The following LIMCH1 variants were observed in gnomAD, a reference collection of about 807,000 sequenced individuals.
LIMCH1 encodes LIM and calponin homology domains 1.
Under a neutral mutation model 176.5 loss-of-function variants are expected in LIMCH1, and 113 were observed. The observed-to-expected ratio is 0.64, with a 90% CI of 0.55 to 0.75. LIMCH1 has a LOEUF of 0.75. Ranked by LOEUF, LIMCH1 falls within the 30% of genes least tolerant of loss-of-function variation. The pLI is 0.00. For missense variants in LIMCH1, 1,674 were observed against 1,814.9 expected, an observed-to-expected ratio of 0.92 and a Z score of 1.41; for synonymous variants, 619 against 645.9, an observed-to-expected ratio of 0.96 and a Z score of 0.63.
At chr4:41,531,507 CACACACACAT>C (rs33970071) in intron 3 of LIMCH1, among the ~76,000 whole-genome samples, 17,442 of 146,754 alleles carry the variant, frequency 0.12, 1,599 homozygotes, top group South Asian at 0.3. Flanking sequence ...CACACACACA[CACACACACAT>C]ACACACCTTA....
chr4:41,429,224 T>C (rs1253288272), intron 1 of LIMCH1, among the ~76,000 whole-genome samples: 2 of 152,226 alleles, frequency 1.3e-5, no homozygotes, highest in African/African-American at 4.8e-5. Flanking sequence ...GTTTGCTTTA[T>C]TCTCATTTTT....
upstream of LIMCH1, among the ~76,000 whole-genome samples, chr4:41,535,184 A>G (rs1028273737): frequency 1.4e-5 from 2 of 144,858 alleles, no homozygotes; most frequent in African/African-American, 5.2e-5. Context: ...AAAAAAAAAA[A>G]GAAAAGAAAA....
At chr4:41,680,133 A>C (rs1333351877) in intron 24 of LIMCH1, 35 bp downstream of exon 24, 1 of 1,410,980 alleles carries the variant, frequency 7.1e-7, no homozygotes, top group East Asian at 2.4e-5. Context: ...TGACCTTGTC[A>C]TCCCAATTCC....
chr4:41,394,878 C>CT (rs2057633078), intron 1 of LIMCH1, among the ~76,000 whole-genome samples: 1 of 152,298 alleles, frequency 6.6e-6, no homozygotes, highest in South Asian at 2.1e-4. Context: ...CAAAAAGAAA[C>CT]TAAGGACCTA....
chr4:41,584,961 A>G (rs929087089), intron 1 of LIMCH1, among the ~76,000 whole-genome samples: 1 of 152,102 alleles, frequency 6.6e-6, no homozygotes, highest in Admixed American at 6.5e-5. Context: ...ATAGATGACC[A>G]TCTTCTTTCT....
In LIMCH1 at chr4:41,515,561, G is replaced by A. The variant is rs149096483; in HGVS notation, c.168-8848G>A. Among the ~76,000 whole-genome samples, 18 of 152,326 alleles carry A rather than the reference G, an allele frequency of 1.2e-4. No individual in the cohort carries two copies. In the East Asian group the frequency reaches 1.5e-3, roughly 13 times the overall value. On this transcript the variant is annotated intron_variant, in intron 2 of 26. Coordinates refer to the LIMCH1 transcript ENST00000313860. ...ATTGATGAAGTGTATATTGTACACC[G>A]GGCCTGTGCCAAGTGCATTACATGC...
rs1385723105 is a variant in LIMCH1 at position 41,661,477 on chromosome 4, T to C, written c.3094T>C (p.Ser1032Pro). 4 of 1,610,840 alleles carry C rather than the reference T, an allele frequency of 2.5e-6. No individual in the cohort carries two copies. The highest frequency in any genetic ancestry group is 1.6e-4 in the Middle Eastern group (1 of 6,062). ...SQEDKNDGGK[S>P]RKGNIELASS... ...AGAGGACAAGAATGATGGTGGAAAATCAAGAAAAGGGAATATAGAACTTGC... is the reference window on the plus strand; with the variant it reads ...AGAGGACAAGAATGATGGTGGAAAACCAAGAAAAGGGAATATAGAACTTGC... The change falls in exon 19 of 32, where the codon TCA becomes CCA. Residue 1032 changes from serine to proline, a missense_variant. Around this residue, in one of 3 missense-constraint regions of LIMCH1, gnomAD observed 1,015 missense variants for 1,102.5 expected, o/e 0.92. Transcript: ENST00000503057.
chr4:41,647,346 T>C (rs1350002724), intron 17 of LIMCH1, among the ~76,000 whole-genome samples: 1 of 152,216 alleles, frequency 6.6e-6, no homozygotes, highest in East Asian at 1.9e-4. Flanking sequence ...CAGCATCCAT[T>C]TGACATTGTA....
chr4:41,498,878 T>TC (rs2072703622), intron 2 of LIMCH1, among the ~76,000 whole-genome samples: 1 of 151,560 alleles, frequency 6.6e-6, no homozygotes, highest in African/African-American at 2.4e-5. Context: ...CCTTGGCCTT[T>TC]TTTTTTTTTT....
chr4:41,409,387 C>CG (rs1468550800), intron 1 of LIMCH1, among the ~76,000 whole-genome samples: 1 of 151,856 alleles, frequency 6.6e-6, no homozygotes, highest in Non-Finnish European at 1.5e-5. Flanking sequence ...AGATTAATGC[C>CG]GCCAGTAGTA....
Position 41,682,347 on chromosome 4 carries a change from G to T in LIMCH1, c.3732G>T (p.Leu1244=), listed in dbSNP as rs1196018171. ...EGSGTMNKID[L]GNCQDEKQDR... ...TTTCTCCTTAGAATAAGATAGACCT[G>T]GGAAACTGTCAAGATGAAAAACAAG... The change falls in exon 26 of 32, where the codon CTG becomes CTT. Residue 1244 remains leucine, a synonymous_variant. Coordinates refer to ENST00000503057, the MANE Select transcript of LIMCH1 (RefSeq NM_001330672.2). The T allele has an allele frequency of 1.9e-6, 3 of 1,610,762 alleles. No individual in the cohort carries two copies. Among genetic ancestry groups the T allele is most frequent in the Non-Finnish European group, 2.5e-6 (3 of 1,177,558 alleles).
intron 5 of LIMCH1, among the ~76,000 whole-genome samples, chr4:41,618,804 A>G (rs1003840666): frequency 1.3e-5 from 2 of 152,246 alleles, no homozygotes; most frequent in Admixed American, 1.3e-4. Flanking sequence ...TGGAGTATCT[A>G]GCATAGTGTA....
intron 25 of LIMCH1, among the ~76,000 whole-genome samples, chr4:41,681,783 T>C (rs1033353762): frequency 9.2e-5 from 14 of 152,130 alleles, no homozygotes; most frequent in African/African-American, 3.4e-4. Context: ...AACCTGCACA[T>C]CCTGCATATG....
rs537130255 is a variant in LIMCH1 at position 41,668,501 on chromosome 4, T to A, written c.3397+1835T>A. On this transcript the variant is annotated intron_variant, in intron 21 of 31. Coordinates refer to ENST00000503057, the MANE Select transcript of LIMCH1 (RefSeq NM_001330672.2). ...CATTTTAAAGCCATGTTTTGTTTTCTTATAAATTTACACATTTCATTACTT... is the reference window on the plus strand; with the variant it reads ...CATTTTAAAGCCATGTTTTGTTTTCATATAAATTTACACATTTCATTACTT... 5.1e-4 allele frequency among the ~76,000 whole-genome samples: 78 copies of A among 152,360 alleles called. No homozygotes were observed. The South Asian group carries it at 0.016, about 30-fold the overall frequency.
intron 1 of LIMCH1, among the ~76,000 whole-genome samples, chr4:41,577,377 A>AAATAAAAT (rs2084665832): frequency 6.6e-6 from 1 of 152,228 alleles, no homozygotes; most frequent in Non-Finnish European, 1.5e-5. Context: ...TTAAAATTAT[A>AAATAAAAT]CATCCTAGTG....
chr4:41,658,710 C>T lies in LIMCH1; in HGVS notation c.3037-2710C>T, dbSNP rs530316928. 7.9e-5 allele frequency among the ~76,000 whole-genome samples: 12 copies of T among 152,140 alleles called. No homozygotes were observed. The South Asian group carries it at 2.5e-3, about 32-fold the overall frequency. On this transcript the variant is annotated intron_variant, in intron 18 of 31. Transcript: ENST00000503057. ...TGGCGTGTTTTCTTTCTTAGTAGTACCTAAAGTAATACAACTTAAAATTGA... is the reference window on the plus strand; with the variant it reads ...TGGCGTGTTTTCTTTCTTAGTAGTATCTAAAGTAATACAACTTAAAATTGA...
intron 3 of LIMCH1, 87 bp from the exon 4 acceptor site, chr4:41,605,807 C>A: frequency 1.3e-6 from 1 of 741,550 alleles, no homozygotes; most frequent in Non-Finnish European, 2.4e-6. Flanking sequence ...TTCCTTCCTG[C>A]CTTCCTGTTA....
At chr4:41,593,994 C>A (rs1033148028) in intron 1 of LIMCH1, among the ~76,000 whole-genome samples, 1 of 152,170 alleles carries the variant, frequency 6.6e-6, no homozygotes, top group African/African-American at 2.4e-5. Context: ...TTTTTTGAAC[C>A]ATTTGAAAGT....
Position 41,471,804 on chromosome 4 carries a change from G to A in LIMCH1, c.97-22732G>A, listed in dbSNP as rs911784698. ...CTACCTTTTTGACTTACTCATTCCA[G>A]CCATGTATGTTTGTTCCTGGAACTT... On this transcript the variant is annotated intron_variant, in intron 1 of 26. Coordinates refer to the LIMCH1 transcript ENST00000313860. Among the ~76,000 whole-genome samples, 5 of 152,068 alleles carry A rather than the reference G, an allele frequency of 3.3e-5. No individual in the cohort carries two copies. The East Asian group carries it at 9.6e-4, about 29-fold the overall frequency.
Sources: allele counts gnomAD v4.1 joint callset (sites outside exome capture counted in the v4.1 genomes callset), GRCh38; gene constraint gnomAD v4.1.1; regional missense constraint gnomAD v4.1.1; transcripts MANE v1.5; gene names NCBI Gene and HGNC (gene_info 2026-07-23, HGNC 2026-07-21).